The following ELMO1 variants were observed in gnomAD, a reference collection of about 807,000 sequenced individuals.
ELMO1 encodes engulfment and cell motility protein 1.
In ELMO1, 26 loss-of-function variants were observed where a neutral mutation model predicts 98.9. The observed-to-expected ratio is 0.26, with a 90% CI of 0.19 to 0.36. The LOEUF (loss-of-function observed/expected upper bound fraction) is 0.36, where lower values mean the gene tolerates loss of function less well. Among genes scored for constraint, ELMO1 ranks in the 10% least tolerant of loss-of-function variants. ELMO1 has a pLI of 1.00. For missense variants in ELMO1, 627 were observed against 935.2 expected, an observed-to-expected ratio of 0.67 and a Z score of 4.30; for synonymous variants, 346 against 346.0, an observed-to-expected ratio of 1.00 and a Z score of 0.00.
intron 8 of ELMO1, among the ~76,000 whole-genome samples, chr7:37,225,655 T>C (rs1793830241): frequency 6.6e-6 from 1 of 152,236 alleles, no homozygotes; most frequent in South Asian, 2.1e-4. Context: ...CAGGAAATCA[T>C]TTAAGTGAGC....
chr7:37,428,490 G>A (rs1407351737), intron 1 of ELMO1, among the ~76,000 whole-genome samples: 4 of 152,182 alleles, frequency 2.6e-5, no homozygotes, highest in Non-Finnish European at 5.9e-5. Flanking sequence ...TCTCATCTGT[G>A]TCACCAGAGC....
At chr7:37,377,477 G>C (rs1373907402) in intron 1 of ELMO1, among the ~76,000 whole-genome samples, 1 of 152,032 alleles carries the variant, frequency 6.6e-6, no homozygotes, top group Admixed American at 6.5e-5. Flanking sequence ...GGGTAGAATG[G>C]GGAATACCAC....
chr7:36,934,454 C>T (rs1447695787), intron 16 of ELMO1, among the ~76,000 whole-genome samples: 1 of 151,936 alleles, frequency 6.6e-6, no homozygotes, highest in Non-Finnish European at 1.5e-5. Context: ...ACCAAACCTG[C>T]TGAGAGTGCC....
At chr7:36,932,094 A>G (rs1425033087) in intron 16 of ELMO1, among the ~76,000 whole-genome samples, 1 of 152,160 alleles carries the variant, frequency 6.6e-6, no homozygotes, top group Admixed American at 6.5e-5. Flanking sequence ...TCATTCATTC[A>G]TTCATGCACA....
In ELMO1 at chr7:37,271,722, C is replaced by G. The variant is rs994642352; in HGVS notation, c.243+110G>C. On this transcript the variant is annotated intron_variant, in intron 5 of 21. Coordinates refer to ENST00000310758, the MANE Select transcript of ELMO1 (RefSeq NM_014800.11). The stretch of plus-strand genomic sequence containing the variant: ...TCTGCATGTCAGGACATTCTGGAAG[C>G]CTTTTGCTTTGCACTAAAGTCAACC... 7.5e-5 allele frequency: 85 copies of G among 1,129,430 alleles called. No homozygotes were observed. In the East Asian group the frequency reaches 1.8e-3, roughly 25 times the overall value. The allele number at this position is 1,129,430 out of a possible 1,614,324, so 70.0% of individuals were successfully genotyped here.
intron 6 of ELMO1, among the ~76,000 whole-genome samples, chr7:37,253,398 TA>T (rs1795462755): frequency 6.6e-6 from 1 of 152,022 alleles, no homozygotes; most frequent in African/African-American, 2.4e-5. Flanking sequence ...TATGCAGCCA[TA>T]AAAAAGGATG....
chr7:36,892,619 T>G (rs1805659373), intron 17 of ELMO1, among the ~76,000 whole-genome samples: 1 of 152,214 alleles, frequency 6.6e-6, no homozygotes, highest in Admixed American at 6.5e-5. Context: ...TTAGGTGACT[T>G]GGTTTATCGT....
chr7:37,346,105 T>C (rs550681928), intron 1 of ELMO1, among the ~76,000 whole-genome samples: 17 of 152,040 alleles, frequency 1.1e-4, no homozygotes, highest in Admixed American at 3.3e-4. Context: ...GGCAGGAGCA[T>C]GCCTGTTATG....
Position 37,171,483 on chromosome 7 carries a change from ATTTTTTT to A in ELMO1, c.1087-38256_1087-38250del, listed in dbSNP as rs71780142. On this transcript the variant is annotated intron_variant, in intron 13 of 21. Transcript: ENST00000310758. ...TTTATTCTTGTAACCAGGCCTTTCT[ATTTTTTT>A]TTTTTTTTTTTTTTTTTTTTGAGAC... Among the ~76,000 whole-genome samples the A allele has an allele frequency of 1.6e-3, 131 of 82,948 alleles. 2 individuals are homozygous for A. In the East Asian group the frequency reaches 0.017, roughly 11 times the overall value. The allele number at this position is 82,948 out of a possible 152,430, so 54.4% of individuals were successfully genotyped here. A position where few individuals can be genotyped will look rare whatever the true frequency, so the allele number is the denominator to read the frequency against.
intron 6 of ELMO1, among the ~76,000 whole-genome samples, chr7:37,256,733 AAGGGAAGGGAAG>A (rs1795680128): frequency 2.1e-5 from 1 of 48,486 alleles, no homozygotes; most frequent in Non-Finnish European, 3.4e-5. Context: ...GGGGGAAGGG[AAGGGAAGGGAAG>A]GGAAGGGAAG....
At chr7:37,417,035 G>A (rs745838118) in intron 1 of ELMO1, among the ~76,000 whole-genome samples, 6 of 152,126 alleles carry the variant, frequency 3.9e-5, no homozygotes, top group East Asian at 1.9e-4. Context: ...TTCTATGAGC[G>A]TGATACTCTG....
intron 14 of ELMO1, among the ~76,000 whole-genome samples, chr7:37,128,362 G>A (rs1463349505): frequency 2.0e-5 from 3 of 152,170 alleles, no homozygotes; most frequent in East Asian, 3.8e-4. Context: ...AGACAGCCTT[G>A]TACCATTCCT....
intron 16 of ELMO1, among the ~76,000 whole-genome samples, chr7:36,987,609 A>T (rs758444075): frequency 4.6e-5 from 7 of 152,174 alleles, no homozygotes; most frequent in Non-Finnish European, 1.0e-4. Context: ...GGAGACTGGG[A>T]CCTGCTCTTT....
intron 20 of ELMO1, among the ~76,000 whole-genome samples, chr7:36,864,238 T>C (rs903801171): frequency 1.3e-5 from 2 of 152,202 alleles, no homozygotes; most frequent in African/African-American, 2.4e-5. Context: ...AGCGTGGTTA[T>C]TGCTGTGATA....
chr7:37,364,107 T>C (rs1033053262), intron 1 of ELMO1, among the ~76,000 whole-genome samples: 1 of 152,134 alleles, frequency 6.6e-6, no homozygotes, highest in Non-Finnish European at 1.5e-5. Context: ...AGTCAGACAA[T>C]ACCCCCAACA....
intron 2 of ELMO1, among the ~76,000 whole-genome samples, chr7:37,336,826 C>A (rs144126216): frequency 3.3e-5 from 5 of 152,116 alleles, no homozygotes; most frequent in African/African-American, 1.2e-4. Flanking sequence ...ATGGCATATA[C>A]TGGTAACATT....
At chr7:37,356,517 A>G (rs1206794630) in intron 1 of ELMO1, among the ~76,000 whole-genome samples, 1 of 152,194 alleles carries the variant, frequency 6.6e-6, no homozygotes, top group Non-Finnish European at 1.5e-5. Flanking sequence ...AAACTAACAC[A>G]GGAACAGAAA....
At chr7:37,296,668 CAT>C in intron 4 of ELMO1, among the ~76,000 whole-genome samples, 1 of 552 alleles carries the variant, frequency 1.8e-3, no homozygotes, top group East Asian at 0.062. Flanking sequence ...CTTACCATAT[CAT>C]ACACAAGGCA....
At chr7:37,077,645 A>G (rs1797654500) in intron 15 of ELMO1, among the ~76,000 whole-genome samples, 1 of 152,208 alleles carries the variant, frequency 6.6e-6, no homozygotes, top group Admixed American at 6.5e-5. Flanking sequence ...AAATATGGGT[A>G]CTGAATTAAC....
Sources: gnomAD v4.1 joint callset for allele counts (sites outside exome capture counted in the v4.1 genomes callset) on GRCh38, gnomAD v4.1.1 for gene constraint, MANE v1.5 for transcripts, NCBI Gene and HGNC (gene_info 2026-07-23, HGNC 2026-07-21) for gene names.